Variants in CHD8 observed in about 807,000 individuals in gnomAD.
CHD8 encodes the protein ATP-dependent chromatin remodeler CHD8.
Under a neutral mutation model 279.2 loss-of-function variants are expected in CHD8, and 31 were observed. The observed-to-expected ratio is 0.11, with a 90% CI of 0.08 to 0.15. The LOEUF is 0.15. CHD8 is among the 10% of genes least tolerant of loss of function. CHD8 has a pLI of 1.00. For synonymous variants in CHD8, 1,081 were observed against 1,139.6 expected, an observed-to-expected ratio of 0.95 and a Z score of 1.04; for missense variants, 2,146 against 3,230.5, an observed-to-expected ratio of 0.66 and a Z score of 8.14.
In CHD8 at chr14:21,409,774, CA is replaced by C. The variant is rs1242374342; in HGVS notation, c.2364+76del. ...AAATTTCCATAATAAAAAGCTAAAA[CA>C]ACAAAAAATTTCATAGGGGAAAAAA... is the stretch of plus-strand genomic sequence containing the variant. On this transcript the variant is annotated intron_variant, in intron 11 of 37. Transcript: ENST00000646647. 1.5e-5 allele frequency: 21 copies of C among 1,420,622 alleles called. No homozygotes were observed. In the Admixed American group the frequency reaches 4.4e-4, roughly 29 times the overall value. The allele number at this position is 1,420,622 out of a possible 1,614,324, so 88.0% of individuals were successfully genotyped here. A position where few individuals can be genotyped will look rare whatever the true frequency, so the allele number is the denominator to read the frequency against.
rs773892972 is a variant in CHD8 at position 21,402,317 on chromosome 14, A to G, written c.3882+19T>C. On this transcript the variant is annotated intron_variant, in intron 19 of 37. Transcript: ENST00000646647. The surrounding 1 kb of genome is among the most constrained non-coding windows in gnomAD (Gnocchi z 4.5). ...ACAATGATCTACTACAAACTTATCT[A>G]TAAACTAAGAGGACTCACTCCAGTA... 9.9e-6 allele frequency: 16 copies of G among 1,613,386 alleles called. No homozygotes were observed. Among genetic ancestry groups the G allele is most frequent in the East Asian group, 6.7e-5 (3 of 44,892 alleles).
At position 21,405,139 on chromosome 14, in the gene CHD8, C is replaced by G. The variant is rs1408349444; in HGVS notation, c.3307+70G>C. The G allele has an allele frequency of 6.6e-7, 1 of 1,514,282 alleles. No homozygotes were observed. Among genetic ancestry groups the G allele is most frequent in the Admixed American group, 1.8e-5 (1 of 55,942 alleles). The allele number at this position is 1,514,282 out of a possible 1,614,324, so 93.8% of individuals were successfully genotyped here. A position where few individuals can be genotyped will look rare whatever the true frequency, so the allele number is the denominator to read the frequency against. On this transcript the variant is annotated intron_variant, in intron 16 of 37. Coordinates refer to ENST00000646647, the MANE Select transcript of CHD8 (RefSeq NM_001170629.2). The surrounding 1 kb of genome is among the most constrained non-coding windows in gnomAD (Gnocchi z 4.2). Reference sequence around the variant, plus strand: ...GTTGAGTCAATGCATCCATTGTCCCCAAGGAGAATCATCCGGAAAGTAAAC... The same window carrying G: ...GTTGAGTCAATGCATCCATTGTCCCGAAGGAGAATCATCCGGAAAGTAAAC...
Position 21,431,724 on chromosome 14 carries a change from C to G in CHD8, c.-81G>C, listed in dbSNP as rs1386151473. The G allele has an allele frequency of 1.7e-5, 27 of 1,610,186 alleles. No individual in the cohort carries two copies. Among genetic ancestry groups the G allele is most frequent in the Non-Finnish European group, 2.2e-5 (26 of 1,178,120 alleles). On this transcript the variant is annotated 5_prime_UTR_variant, in exon 2 of 38. Transcript: ENST00000646647. ...GGGTACTGGCTCTCCCCTCCCCTCC[C>G]CTATTAAGAAAAAAATGTACACAAT...
chr14:21,418,520 AAAAT>A lies in CHD8; in HGVS notation c.1717-2617_1717-2614del, dbSNP rs1190510079. ...GGGTGAGAGTGAGACCCTGTCTCAA[AAAAT>A]AAATAAAATAGCCAGGCGCGGTGGC... is the stretch of plus-strand genomic sequence containing the variant. On this transcript the variant is annotated intron_variant, in intron 5 of 37. Transcript: ENST00000646647. Among the ~76,000 whole-genome samples, 4 of 147,052 alleles carry A rather than the reference AAAAT, an allele frequency of 2.7e-5. 1 individual carries two copies. The highest frequency in any genetic ancestry group is 1.0e-4 in the African/African-American group (4 of 39,466).
chr14:21,420,408 G>A (rs1487512267), intron 5 of CHD8, among the ~76,000 whole-genome samples: 2 of 152,208 alleles, frequency 1.3e-5, no homozygotes, highest in Non-Finnish European at 2.9e-5. Context: ...CAGGGCCAAA[G>A]GCGGGCAGGA....
At chr14:21,390,084 G>A (rs1224093301) in intron 37 of CHD8, among the ~76,000 whole-genome samples, 1 of 151,928 alleles carries the variant, frequency 6.6e-6, no homozygotes, top group African/African-American at 2.4e-5. Context: ...AAAATACAAA[G>A]AATTAGCCTG....
At chr14:21,399,348 C>T (rs1056277055) in intron 26 of CHD8, 6 of 461,596 alleles carry the variant, frequency 1.3e-5, no homozygotes, top group African/African-American at 3.9e-5. Flanking sequence ...TGCGGTAACA[C>T]ACTGCTAACA....
rs1888225546 is a variant in CHD8, at chr14:21,405,664, T to C, written c.3051+57A>G. The C allele has an allele frequency of 1.3e-6, 2 of 1,589,264 alleles. No individual in the cohort carries two copies. The highest frequency in any genetic ancestry group is 1.3e-5 in the African/African-American group (1 of 74,104). Reference sequence around the variant, plus strand: ...TACCCATGACAACAGATGTCTGCCTTGTACAAACTTCACCTTCTTTGTCCT... The same window carrying C: ...TACCCATGACAACAGATGTCTGCCTCGTACAAACTTCACCTTCTTTGTCCT... On this transcript the variant is annotated intron_variant, in intron 15 of 37. Coordinates refer to ENST00000646647, the MANE Select transcript of CHD8 (RefSeq NM_001170629.2). The surrounding 1 kb of genome is among the most constrained non-coding windows in gnomAD (Gnocchi z 4.2).
At chr14:21,397,032 T>G in intron 27 of CHD8, 1 of 187,864 alleles carries the variant, frequency 5.3e-6, no homozygotes, top group Non-Finnish European at 1.1e-5. Context: ...CACAGTTCCT[T>G]TTTCTTGACT....
At chr14:21,414,054 G>T in intron 9 of CHD8, 1 of 396,988 alleles carries the variant, frequency 2.5e-6, no homozygotes, top group Non-Finnish European at 4.5e-6. Context: ...CATCAGTTTT[G>T]AAAATACTTC....
chr14:21,453,758 G>A (rs1340281494), intron 1 of CHD8, among the ~76,000 whole-genome samples: 1 of 151,846 alleles, frequency 6.6e-6, no homozygotes, highest in Non-Finnish European at 1.5e-5. Flanking sequence ...GTTCACTAAA[G>A]CATTTAGCAT....
chr14:21,404,414 A>C (rs970919890), intron 16 of CHD8, among the ~76,000 whole-genome samples: 16 of 151,886 alleles, frequency 1.1e-4, no homozygotes, highest in African/African-American at 3.4e-4. Context: ...AAAAAAAAAA[A>C]AAAAAACTTA....
chr14:21,441,721 T>C (rs543184401), intron 1 of CHD8, among the ~76,000 whole-genome samples: 165 of 151,914 alleles, frequency 1.1e-3, no homozygotes, highest in Non-Finnish European at 1.4e-3. Context: ...ACCCCGTCTC[T>C]ACTAAAAATA....
chr14:21,424,422 T>C (rs1034557357), intron 5 of CHD8, among the ~76,000 whole-genome samples: 2 of 151,958 alleles, frequency 1.3e-5, no homozygotes, highest in South Asian at 4.1e-4. Context: ...ATTCTAAAAT[T>C]TTTTTTTGGC....
intron 4 of CHD8, chr14:21,426,732 A>C (rs935439951): frequency 3.3e-5 from 5 of 152,450 alleles, no homozygotes; most frequent in African/African-American, 1.2e-4. Context: ...TAAGAATCCC[A>C]GGGAGTAAAA....
intron 1 of CHD8, chr14:21,436,990 G>A (rs1483978880): frequency 1.6e-6 from 2 of 1,286,654 alleles, no homozygotes; most frequent in African/African-American, 1.5e-5. Context: ...ATGGAAATGA[G>A]GTACATGCAC....
Position 21,431,627 on chromosome 14 carries a change from A to G in CHD8, c.17T>C (p.Met6Thr). ...TAAATTTGGGTCATCGAACAGATCC[A>G]TGATGGGGTCTGCCATCTTGGGAAA... MADPI[M>T]DLFDDPNLFG... Residue 6 changes from methionine to threonine, a missense_variant, in exon 2 of 38, where the codon ATG becomes ACG. Met to Thr is a moderately conservative substitution (Grantham distance 81). Transcript: ENST00000646647. The G allele has an allele frequency of 6.5e-7, 1 of 1,530,886 alleles. No homozygotes were observed. Among genetic ancestry groups the G allele is most frequent in the Non-Finnish European group, 8.8e-7 (1 of 1,142,116 alleles). The allele number at this position is 1,530,886 out of a possible 1,614,324, so 94.8% of individuals were successfully genotyped here.
At chr14:21,450,440 T>C in intron 1 of CHD8, among the ~76,000 whole-genome samples, 1 of 152,092 alleles carries the variant, frequency 6.6e-6, no homozygotes, top group African/African-American at 2.4e-5. Flanking sequence ...AGCAGGAAAT[T>C]CCAAAGGTTT....
chr14:21,385,410 T>G lies in CHD8; in HGVS notation c.*203A>C. ...CCCCAGAAATGAGGAAGTGGTCATG[T>G]ATTATTTTAGGAGTTCCCCTGCCCA... On this transcript the variant is annotated 3_prime_UTR_variant, in exon 38 of 38. Coordinates refer to ENST00000646647, the MANE Select transcript of CHD8 (RefSeq NM_001170629.2). The G allele has an allele frequency of 9.3e-6, 7 of 748,808 alleles. No homozygotes were observed. The highest frequency in any genetic ancestry group is 1.4e-5 in the Non-Finnish European group (7 of 487,774). The allele number at this position is 748,808 out of a possible 1,614,324, so 46.4% of individuals were successfully genotyped here.
Sources: allele counts gnomAD v4.1 joint callset (sites outside exome capture counted in the v4.1 genomes callset), GRCh38; gene constraint gnomAD v4.1.1; non-coding constraint Gnocchi (gnomAD v3.1); transcripts MANE v1.5; gene names NCBI Gene and HGNC (gene_info 2026-07-23, HGNC 2026-07-21).